The following KCNAB2 variants were observed in gnomAD, a reference collection of about 807,000 sequenced individuals.
The protein encoded by KCNAB2 is potassium voltage-gated channel subfamily A regulatory beta subunit 2.
KCNAB2 carries 29 observed loss-of-function variants against 63.6 expected under a neutral mutation model. The ratio of observed to expected loss-of-function variants is 0.46; its 90% confidence interval spans 0.34 to 0.62. The LOEUF (loss-of-function observed/expected upper bound fraction) is 0.62. KCNAB2 is among the 20% of genes least tolerant of loss of function. The pLI is 0.01. For synonymous variants in KCNAB2, 222 were observed against 224.2 expected (o/e 0.99, Z 0.09); for missense variants, 359 against 563.9 (o/e 0.64, Z 3.68).
At chr1:6,043,708 C>G (rs1458760496), upstream of KCNAB2, among the ~76,000 whole-genome samples, 1 of 152,238 alleles carries the variant, frequency 6.6e-6, no homozygotes, top group African/African-American at 2.4e-5. Context: ...ATGGTTCTTT[C>G]AGTTACTTAG....
At chr1:6,041,523 C>A (rs1660496798), upstream of KCNAB2, 3 of 430,134 alleles carry the variant, frequency 7.0e-6, no homozygotes, top group African/African-American at 6.0e-5. Flanking sequence ...GAAGCACATT[C>A]AATCCAAACC....
intron 2 of KCNAB2, among the ~76,000 whole-genome samples, chr1:6,072,269 C>A (rs544765780): frequency 6.6e-6 from 1 of 152,304 alleles, no homozygotes; most frequent in Non-Finnish European, 1.5e-5. Context: ...GCTCCCCGCA[C>A]CCCGAGGGAC....
intron 2 of KCNAB2, among the ~76,000 whole-genome samples, chr1:6,063,418 T>C (rs1662486490): frequency 6.6e-6 from 1 of 151,434 alleles, no homozygotes; most frequent in Non-Finnish European, 1.5e-5. Flanking sequence ...AATTTTTTTT[T>C]TTTTTTTTTG....
chr1:6,077,925 C>T (rs1663816353), intron 4 of KCNAB2, among the ~76,000 whole-genome samples: 1 of 152,234 alleles, frequency 6.6e-6, no homozygotes. Flanking sequence ...TAACAAATAG[C>T]CACCAATGCG....
In KCNAB2 at chr1:6,035,246, C is replaced by T. The variant is rs1279681460; in HGVS notation, c.-53+452C>T. The stretch of plus-strand genomic sequence containing the variant: ...GTGGCAGGGGCCAGTGTGTGAGGGG[C>T]TCAGCGGGGGATGTGGCTAGAAAGG... On this transcript the variant is annotated intron_variant, in intron 1 of 15. Coordinates refer to the KCNAB2 transcript ENST00000164247. The surrounding 1 kb of genome is among the most constrained non-coding windows in gnomAD (Gnocchi z 5.0). 6.6e-6 allele frequency among the ~76,000 whole-genome samples: 1 copy of T among 152,100 alleles called. No individual in the cohort carries two copies. Among genetic ancestry groups the T allele is most frequent in the Non-Finnish European group, 1.5e-5 (1 of 68,024 alleles).
chr1:6,058,730 A>G (rs1662055834), intron 2 of KCNAB2, among the ~76,000 whole-genome samples: 1 of 152,248 alleles, frequency 6.6e-6, no homozygotes, highest in African/African-American at 2.4e-5. Context: ...GGGCGGAGGC[A>G]TCAGGAAGGA....
At chr1:6,081,454 G>A (rs538375518) in intron 4 of KCNAB2, among the ~76,000 whole-genome samples, 3 of 152,372 alleles carry the variant, frequency 2.0e-5, no homozygotes, top group Non-Finnish European at 4.4e-5. Flanking sequence ...AACATCCACA[G>A]AGCCCCTGCT....
rs1270702369 is a variant in KCNAB2, at chr1:6,086,141, T to C, written c.425+893T>C. ...CCCCGGGGCCCTGTTCCTTAATAAA[T>C]GCGTCTTTATTTTCAGAAACATCAG... is the stretch of plus-strand genomic sequence containing the variant. On this transcript the variant is annotated intron_variant, in intron 6 of 15. Transcript: ENST00000378083. This position sits in a 1 kb window ranked among gnomAD's most constrained non-coding sequence, Gnocchi z 4.2. 2 of 985,222 alleles carry C rather than the reference T, an allele frequency of 2.0e-6. No individual in the cohort carries two copies. The highest frequency in any genetic ancestry group is 2.4e-6 in the Non-Finnish European group (2 of 829,900). The allele number at this position is 985,222 out of a possible 1,614,324, so 61.0% of individuals were successfully genotyped here. A position where few individuals can be genotyped will look rare whatever the true frequency, so the allele number is the denominator to read the frequency against.
At chr1:6,066,092 C>T (rs941546474) in intron 2 of KCNAB2, among the ~76,000 whole-genome samples, 1 of 152,218 alleles carries the variant, frequency 6.6e-6, no homozygotes, top group Non-Finnish European at 1.5e-5. Context: ...TTGCTCGGAG[C>T]ACAGCCTCAA....
At chr1:6,066,820 C>T (rs1338283733) in intron 2 of KCNAB2, among the ~76,000 whole-genome samples, 2 of 152,236 alleles carry the variant, frequency 1.3e-5, no homozygotes, top group African/African-American at 2.4e-5. Context: ...CTCTAGCAGG[C>T]GGGACTCTTG....
intron 5 of KCNAB2, among the ~76,000 whole-genome samples, chr1:6,084,835 C>G (rs1664554264): frequency 6.6e-6 from 1 of 151,964 alleles, no homozygotes. Flanking sequence ...AGATACTTCT[C>G]TGGAAATTTT....
rs1051970894 is a variant in KCNAB2, at chr1:6,086,971, G to A, written c.426-496G>A. On this transcript the variant is annotated intron_variant, in intron 6 of 15. Coordinates refer to ENST00000378083, the MANE Select transcript of KCNAB2 (RefSeq NM_001199862.2). The surrounding 1 kb of genome is among the most constrained non-coding windows in gnomAD (Gnocchi z 4.2). ...TGCAACACGTGTCACATTCTGTAGG[G>A]AACGTTGCAGAGAGCTTCCCTGCCT... Among the ~76,000 whole-genome samples, 8 of 152,044 alleles carry A rather than the reference G, an allele frequency of 5.3e-5. No homozygotes were observed. In the East Asian group the frequency reaches 5.8e-4, roughly 11 times the overall value.
At chr1:6,058,809 G>A (rs6698692) in intron 2 of KCNAB2, among the ~76,000 whole-genome samples, 8,311 of 152,348 alleles carry the variant, frequency 0.055, 344 homozygotes, top group Middle Eastern at 0.082. Context: ...GCAGGGGCTG[G>A]GAGAAAGCCA....
rs574574793 is a variant in KCNAB2 at position 6,086,611 on chromosome 1, G to A, written c.426-856G>A. ...CTGGGTGGGAAGTACTCCCTCCTCTGGGAGGGGTCAAGGTCAAACGTGGCT... is the reference window on the plus strand; with the variant it reads ...CTGGGTGGGAAGTACTCCCTCCTCTAGGAGGGGTCAAGGTCAAACGTGGCT... On this transcript the variant is annotated intron_variant, in intron 6 of 15. Transcript: ENST00000378083. This position sits in a 1 kb window ranked among gnomAD's most constrained non-coding sequence, Gnocchi z 4.2. 6.6e-6 allele frequency among the ~76,000 whole-genome samples: 1 copy of A among 152,284 alleles called. No homozygotes were observed. Among genetic ancestry groups the A allele is most frequent in the South Asian group, 2.1e-4 (1 of 4,824 alleles).
chr1:5,992,990 C>T (rs1212041409), intron 1 of KCNAB2, among the ~76,000 whole-genome samples: 1 of 152,018 alleles, frequency 6.6e-6, no homozygotes, highest in East Asian at 1.9e-4. Context: ...CGTCTCCCTT[C>T]CCCCATCCCT....
chr1:6,025,204 AC>A (rs2100349434), intron 1 of KCNAB2, among the ~76,000 whole-genome samples: 1 of 151,998 alleles, frequency 6.6e-6, no homozygotes, highest in African/African-American at 2.4e-5. Flanking sequence ...CCGGGAACAC[AC>A]AGCAGCACCC....
upstream of KCNAB2, among the ~76,000 whole-genome samples, chr1:6,030,444 CCAA>C (rs1033647688): frequency 4.7e-5 from 7 of 148,570 alleles, no homozygotes; most frequent in Admixed American, 4.8e-4. Flanking sequence ...ATTCACCCCT[CCAA>C]CGTGTGTGTG....
chr1:6,085,256 C>T lies in KCNAB2; in HGVS notation c.425+8C>T, dbSNP rs200151183. On this transcript the variant is annotated splice_region_variant and intron_variant, in intron 6 of 15. Transcript: ENST00000378083. ...TAAGAAGAAAGGATGGAGGTAACGGCCCTGCTCTCTGCGGCCTGTCCCTGG... is the reference window on the plus strand; with the variant it reads ...TAAGAAGAAAGGATGGAGGTAACGGTCCTGCTCTCTGCGGCCTGTCCCTGG... The T allele has an allele frequency of 8.7e-5, 140 of 1,613,460 alleles. No homozygotes were observed. The African/African-American group carries it at 1.5e-3, about 18-fold the overall frequency.
chr1:6,051,197 G>T (rs369853239), intron 1 of KCNAB2, among the ~76,000 whole-genome samples: 1 of 152,320 alleles, frequency 6.6e-6, no homozygotes, highest in Admixed American at 6.5e-5. Context: ...CTGTGCTCCC[G>T]TTTTCATTTG....
Sources: gnomAD v4.1 joint callset for allele counts (sites outside exome capture counted in the v4.1 genomes callset) on GRCh38, gnomAD v4.1.1 for gene constraint, Gnocchi (gnomAD v3.1) non-coding constraint, MANE v1.5 for transcripts, NCBI Gene and HGNC (gene_info 2026-07-23, HGNC 2026-07-21) for gene names.